The following STXBP4 variants were observed in gnomAD, a reference collection of about 807,000 sequenced individuals.
STXBP4 encodes syntaxin binding protein 4.
STXBP4 carries 55 observed loss-of-function variants against 76.1 expected under a neutral mutation model. That is an observed-to-expected ratio of 0.72 (90% CI 0.58 to 0.91). The LOEUF (loss-of-function observed/expected upper bound fraction) is 0.91. Among genes scored for constraint, STXBP4 ranks in the 40% least tolerant of loss-of-function variants. The probability of loss-of-function intolerance (pLI) is 0.00; values close to 1 mark genes in which losing one functional copy is unlikely to be tolerated. For missense variants in STXBP4, 618 were observed against 636.9 expected (o/e 0.97, Z 0.32); for synonymous variants, 201 against 220.2 (o/e 0.91, Z 0.77).
chr17:55,141,508 T>C (rs2080093969), intron 17 of STXBP4, 141 bp downstream of exon 17: 1 of 596,126 alleles, frequency 1.7e-6, no homozygotes, highest in African/African-American at 1.9e-5. Flanking sequence ...CTCACCATTT[T>C]CGTTTCATGT....
chr17:54,969,086 G>A (rs7226272), intron 1 of STXBP4, among the ~76,000 whole-genome samples: 54,973 of 151,986 alleles, frequency 0.36, 10,869 homozygotes, highest in East Asian at 0.6. Context: ...ACCTCTCTCA[G>A]GAAGCCTTGC....
rs1202483349 is a variant in STXBP4 at position 55,000,815 on chromosome 17, C to G, written c.506C>G (p.Thr169Ser). 2 of 1,608,324 alleles carry G rather than the reference C, an allele frequency of 1.2e-6. No individual in the cohort carries two copies. The highest frequency in any genetic ancestry group is 2.2e-5 in the South Asian group (2 of 90,760). Residue 169 changes from threonine to serine, a missense_variant, in exon 7 of 18, where the codon ACT becomes AGT. By Grantham distance (58) the Thr-to-Ser change is moderately conservative. Transcript: ENST00000376352. The stretch of plus-strand genomic sequence containing the variant: ...CCTCATTTTCTTTCACAGATAAAAA[C>G]TGGATACAACAAAACAGTACAGATT... ...NDILSSCEIKTGYNKTVQIPI... is the reference protein window; with the variant it reads ...NDILSSCEIKSGYNKTVQIPI...
chr17:55,116,996 A>C (rs1341939797), intron 16 of STXBP4, among the ~76,000 whole-genome samples: 1 of 151,854 alleles, frequency 6.6e-6, no homozygotes, highest in Non-Finnish European at 1.5e-5. Context: ...TAATAAGATA[A>C]GCATAATTAA....
At chr17:55,201,029 C>T in the STXBP4 span, among the ~76,000 whole-genome samples, 1 of 152,306 alleles carries the variant, frequency 6.6e-6, no homozygotes, top group East Asian at 1.9e-4. Flanking sequence ...CAGTTTTACA[C>T]ATGCTTTGCT....
At chr17:55,139,541 GT>G (rs1240996597) in intron 16 of STXBP4, among the ~76,000 whole-genome samples, 2 of 152,132 alleles carry the variant, frequency 1.3e-5, no homozygotes, top group Non-Finnish European at 2.9e-5. Flanking sequence ...GGGCTTGTCA[GT>G]GATGAATGAA....
intron 16 of STXBP4, among the ~76,000 whole-genome samples, chr17:55,091,149 G>A (rs188991886): frequency 3.3e-5 from 5 of 152,048 alleles, no homozygotes; most frequent in Admixed American, 3.3e-4. Flanking sequence ...TCCAGTTTAT[G>A]AGCCATCTGG....
chr17:55,048,178 T>C (rs1033735966), intron 12 of STXBP4, among the ~76,000 whole-genome samples: 4 of 151,746 alleles, frequency 2.6e-5, no homozygotes, highest in Non-Finnish European at 5.9e-5. Flanking sequence ...ACCAGATCAA[T>C]AGAGAATGGA....
chr17:55,123,219 G>C (rs572063612), intron 16 of STXBP4, among the ~76,000 whole-genome samples: 4 of 152,062 alleles, frequency 2.6e-5, no homozygotes, highest in Non-Finnish European at 5.9e-5. Context: ...AGCAGCTTTT[G>C]TGTGTGTGTG....
the STXBP4 span, among the ~76,000 whole-genome samples, chr17:55,179,673 G>A: frequency 4.5e-4 from 68 of 152,192 alleles, no homozygotes; most frequent in Admixed American, 2.9e-3. Context: ...TGATGAAGAT[G>A]AAGATCTTTA....
At chr17:55,118,082 A>G (rs1456727455) in intron 16 of STXBP4, among the ~76,000 whole-genome samples, 1 of 151,976 alleles carries the variant, frequency 6.6e-6, no homozygotes, top group East Asian at 1.9e-4. Context: ...GCATTTTGCT[A>G]GGCCCATAGT....
chr17:55,190,197 A>C, the STXBP4 span, among the ~76,000 whole-genome samples: 1 of 152,194 alleles, frequency 6.6e-6, no homozygotes. Flanking sequence ...CCATAATGTG[A>C]CAGGTATTGT....
the STXBP4 span, among the ~76,000 whole-genome samples, chr17:55,210,067 G>A: frequency 6.6e-6 from 1 of 152,174 alleles, no homozygotes; most frequent in Non-Finnish European, 1.5e-5. Flanking sequence ...TATATCTTTA[G>A]TGGGAGAGAA....
chr17:55,138,131 T>A (rs1050579907), intron 16 of STXBP4, among the ~76,000 whole-genome samples: 2 of 152,130 alleles, frequency 1.3e-5, no homozygotes, highest in Non-Finnish European at 2.9e-5. Context: ...CTTACCTTCA[T>A]CGTGTTCCAT....
At chr17:55,023,155 A>T (rs2078345102) in intron 8 of STXBP4, among the ~76,000 whole-genome samples, 1 of 152,238 alleles carries the variant, frequency 6.6e-6, no homozygotes, top group African/African-American at 2.4e-5. Flanking sequence ...GCGGGTCCGT[A>T]GTTCTTAATG....
At chr17:55,072,507 G>A (rs1297684248) in intron 12 of STXBP4, among the ~76,000 whole-genome samples, 2 of 152,162 alleles carry the variant, frequency 1.3e-5, no homozygotes, top group African/African-American at 2.4e-5. Flanking sequence ...TCTCTCAGCA[G>A]CATCTGATGA....
At chr17:55,195,045 T>C in the STXBP4 span, among the ~76,000 whole-genome samples, 1 of 152,178 alleles carries the variant, frequency 6.6e-6, no homozygotes. Flanking sequence ...GGGATGGTGA[T>C]TTGGTTGAAA....
chr17:55,088,675 G>T (rs1349190695), intron 16 of STXBP4, among the ~76,000 whole-genome samples: 1 of 152,176 alleles, frequency 6.6e-6, no homozygotes, highest in African/African-American at 2.4e-5. Flanking sequence ...GGGATTACAG[G>T]CGTGAGCCAC....
chr17:54,982,046 A>G (rs936505229), intron 1 of STXBP4, among the ~76,000 whole-genome samples: 2 of 152,218 alleles, frequency 1.3e-5, no homozygotes, highest in African/African-American at 4.8e-5. Context: ...AACAGGCACT[A>G]TAGTTGGTGA....
At chr17:55,102,828 G>A (rs576633825) in intron 16 of STXBP4, among the ~76,000 whole-genome samples, 4 of 152,224 alleles carry the variant, frequency 2.6e-5, no homozygotes, top group South Asian at 2.1e-4. Flanking sequence ...TCTAACTGGC[G>A]TGAGATGGTA....
Sources: allele counts gnomAD v4.1 joint callset (sites outside exome capture counted in the v4.1 genomes callset), GRCh38; gene constraint gnomAD v4.1.1; transcripts MANE v1.5; gene names NCBI Gene and HGNC (gene_info 2026-07-23, HGNC 2026-07-21).